Variants in PCDHA2 observed in about 807,000 individuals in gnomAD.
PCDHA2 encodes the protein protocadherin alpha 2.
Under a neutral mutation model 66.0 loss-of-function variants are expected in PCDHA2, and 58 were observed. The ratio of observed to expected loss-of-function variants is 0.88; its 90% CI spans 0.71 to 1.09. PCDHA2 has a LOEUF of 1.09. PCDHA2 is among the 50% of genes least tolerant of loss of function. The pLI, the probability that PCDHA2 is intolerant of heterozygous loss-of-function variation, is 0.00. For synonymous variants in PCDHA2, 634 were observed against 554.0 expected (o/e 1.14, Z -2.03); for missense variants, 1,267 against 1,242.3 (o/e 1.02, Z -0.30).
chr5:140,937,148 C>T (rs1400872734), intron 1 of PCDHA2, among the ~76,000 whole-genome samples: 6 of 151,842 alleles, frequency 4.0e-5, no homozygotes, highest in Non-Finnish European at 8.8e-5. Flanking sequence ...TGCCATTCTC[C>T]TGCCTCAGCC....
intron 1 of PCDHA2, chr5:140,875,283 CAG>C: frequency 7.3e-7 from 1 of 1,362,464 alleles, no homozygotes; most frequent in Non-Finnish European, 9.6e-7. Flanking sequence ...GAAGGTGAAA[CAG>C]GAAAATTTTT....
chr5:140,986,947 C>T (rs983987541), intron 3 of PCDHA2, among the ~76,000 whole-genome samples: 1 of 152,160 alleles, frequency 6.6e-6, no homozygotes, highest in African/African-American at 2.4e-5. Context: ...GGTGTGGTCG[C>T]TCATGCCTGT....
chr5:140,894,724 C>T (rs1322007306), intron 1 of PCDHA2, among the ~76,000 whole-genome samples: 7 of 151,784 alleles, frequency 4.6e-5, no homozygotes, highest in African/African-American at 9.7e-5. Context: ...TCAAATATTA[C>T]GTAGCAATTT....
In PCDHA2 at chr5:140,842,019, T is replaced by C. The variant is rs1554138721; in HGVS notation, c.2388+44667T>C. The C allele has an allele frequency of 1.9e-6, 3 of 1,613,812 alleles. No homozygotes were observed. The highest frequency in any genetic ancestry group is 1.6e-4 in the Middle Eastern group (1 of 6,062). ...ACTGTTCAGCTGCTGGTCACAGTGC[T>C]GGATGTGAATGATAATGCTCCCACT... On this transcript the variant is annotated intron_variant, in intron 1 of 3. Transcript: ENST00000526136.
intron 1 of PCDHA2, among the ~76,000 whole-genome samples, chr5:140,910,213 G>A (rs1375224674): frequency 6.6e-6 from 1 of 152,170 alleles, no homozygotes; most frequent in South Asian, 2.1e-4. Context: ...TGACCTGGAA[G>A]TTTTCTGCTT....
chr5:141,006,979 G>T (rs1236461454), intron 3 of PCDHA2, among the ~76,000 whole-genome samples: 1 of 152,156 alleles, frequency 6.6e-6, no homozygotes, highest in Non-Finnish European at 1.5e-5. Context: ...ACAGAGAGAT[G>T]TGGGCTTAAA....
Position 140,796,956 on chromosome 5 carries a change from C to T in PCDHA2, c.1992C>T (p.Thr664=), listed in dbSNP as rs781895876. 6.2e-7 allele frequency: 1 copy of T among 1,613,830 alleles called. No individual in the cohort carries two copies. The highest frequency in any genetic ancestry group is 1.3e-5 in the African/African-American group (1 of 75,058). The change falls in exon 1 of 4, where the codon ACC becomes ACT. Residue 664 remains threonine, a synonymous_variant. Coordinates refer to ENST00000526136, the MANE Select transcript of PCDHA2 (RefSeq NM_018905.3). Reference sequence around the variant, plus strand: ...AACCAGCGTTGACAGCCACGGCCACCGTGTTAGTGTCGTTGGTGGAAAGTG... The same window carrying T: ...AACCAGCGTTGACAGCCACGGCCACTGTGTTAGTGTCGTTGGTGGAAAGTG... ...HGEPALTATA[T]VLVSLVESGQ... is the part of the protein sequence containing the mutation.
intron 1 of PCDHA2, chr5:140,821,627 C>A: frequency 1.1e-6 from 1 of 931,036 alleles, no homozygotes; most frequent in Non-Finnish European, 1.6e-6. Flanking sequence ...TTTCCTTAGA[C>A]AGAAAGGAAA....
intron 1 of PCDHA2, chr5:140,882,537 T>C (rs1582624652): frequency 6.2e-7 from 1 of 1,614,176 alleles, no homozygotes; most frequent in East Asian, 2.2e-5. Context: ...AATTCTCGGA[T>C]CGACCGCGAG....
At chr5:140,807,444 T>C in intron 1 of PCDHA2, 2 of 1,604,430 alleles carry the variant, frequency 1.2e-6, no homozygotes, top group Non-Finnish European at 1.7e-6. Context: ...ATTTTGTTTG[T>C]GAATTCTCGG....
At chr5:140,967,254 C>G in intron 1 of PCDHA2, 3 of 1,613,562 alleles carry the variant, frequency 1.9e-6, no homozygotes, top group Non-Finnish European at 2.5e-6. Context: ...TCGGTGGCGC[C>G]TGGAGCGCGC....
chr5:140,962,791 T>G (rs998586099), intron 1 of PCDHA2, among the ~76,000 whole-genome samples: 19 of 152,252 alleles, frequency 1.2e-4, no homozygotes, highest in Admixed American at 1.1e-3. Context: ...TAAAAACTAC[T>G]TTGGACAACT....
intron 1 of PCDHA2, among the ~76,000 whole-genome samples, chr5:140,945,169 AAAAT>A (rs1302154201): frequency 2.0e-5 from 3 of 152,164 alleles, no homozygotes; most frequent in Non-Finnish European, 4.4e-5. Context: ...AACTATCTGA[AAAAT>A]AAATCAAGAA....
intron 1 of PCDHA2, among the ~76,000 whole-genome samples, chr5:140,799,328 G>T (rs1392687463): frequency 1.3e-5 from 2 of 152,120 alleles, no homozygotes; most frequent in African/African-American, 4.8e-5. Flanking sequence ...GTACTGAAAA[G>T]TGCAGTATTA....
chr5:140,917,948 A>AT (rs1443419626), intron 1 of PCDHA2, among the ~76,000 whole-genome samples: 16 of 151,986 alleles, frequency 1.1e-4, no homozygotes, highest in African/African-American at 3.9e-4. Flanking sequence ...TGGTAGTTTG[A>AT]TAGGAACATC....
intron 1 of PCDHA2, chr5:140,842,497 T>A: frequency 6.2e-7 from 1 of 1,613,888 alleles, no homozygotes; most frequent in East Asian, 2.2e-5. Context: ...TGATGCCCCA[T>A]GTCCCCTTCA....
intron 1 of PCDHA2, chr5:140,836,766 C>A (rs2150269669): frequency 6.4e-7 from 1 of 1,562,092 alleles, no homozygotes; most frequent in South Asian, 1.2e-5. Flanking sequence ...TTGTTTCCAA[C>A]AATTTTAAAA....
chr5:140,846,590 G>A (rs1780577373), intron 1 of PCDHA2, among the ~76,000 whole-genome samples: 1 of 148,312 alleles, frequency 6.7e-6, no homozygotes, highest in African/African-American at 2.5e-5. Context: ...TAGCCAGGAT[G>A]GTCTCGATCT....
At chr5:140,823,003 A>G in intron 1 of PCDHA2, 1 of 1,614,236 alleles carries the variant, frequency 6.2e-7, no homozygotes, top group Non-Finnish European at 8.5e-7. Flanking sequence ...GGTGCTGGAC[A>G]GCGCCCTGGA....
Sources: allele counts gnomAD v4.1 joint callset (sites outside exome capture counted in the v4.1 genomes callset), GRCh38; gene constraint gnomAD v4.1.1; transcripts MANE v1.5; gene names NCBI Gene and HGNC (gene_info 2026-07-23, HGNC 2026-07-21).